The following ARB2A variants were observed in gnomAD, a reference collection of about 807,000 sequenced individuals.
ARB2A encodes ARB2 cotranscriptional regulator A, also known as cotranscriptional regulator ARB2A.
At chr5:93,867,568 C>A in the ARB2A span, among the ~76,000 whole-genome samples, 6 of 151,978 alleles carry the variant, frequency 3.9e-5, no homozygotes, top group Non-Finnish European at 7.4e-5. Context: ...CAGGCGTGTG[C>A]CACCATGCCG....
At chr5:93,897,062 T>C in the ARB2A span, among the ~76,000 whole-genome samples, 2 of 152,012 alleles carry the variant, frequency 1.3e-5, no homozygotes, top group African/African-American at 2.4e-5. Flanking sequence ...TAGGTTGGCA[T>C]ATAAACAGTA....
the ARB2A span, among the ~76,000 whole-genome samples, chr5:93,847,314 G>T: frequency 1 from 152,284 of 152,284 alleles, 76,142 homozygotes; most frequent in Non-Finnish European, 1. Flanking sequence ...ACTGAAAAAC[G>T]TAATATATTT....
At chr5:93,837,480 A>T in the ARB2A span, among the ~76,000 whole-genome samples, 1 of 152,116 alleles carries the variant, frequency 6.6e-6, no homozygotes, top group African/African-American at 2.4e-5. Flanking sequence ...ATATACCCAA[A>T]GGAATATAAT....
the ARB2A span, among the ~76,000 whole-genome samples, chr5:93,997,818 G>A: frequency 7.9e-5 from 12 of 151,884 alleles, no homozygotes; most frequent in African/African-American, 2.9e-4. Flanking sequence ...TGTTTGTTAA[G>A]GCATTCCATT....
chr5:94,046,433 G>T, the ARB2A span, among the ~76,000 whole-genome samples: 21 of 151,954 alleles, frequency 1.4e-4, no homozygotes, highest in Admixed American at 1.2e-3. Flanking sequence ...CTGGGACAGG[G>T]AGGAGGGGGA....
chr5:93,918,102 T>C, the ARB2A span, among the ~76,000 whole-genome samples: 1 of 152,298 alleles, frequency 6.6e-6, no homozygotes, highest in Admixed American at 6.5e-5. Flanking sequence ...TCTTTATTCC[T>C]AAGTTTATAT....
the ARB2A span, among the ~76,000 whole-genome samples, chr5:93,639,552 T>C: frequency 3.3e-3 from 509 of 152,206 alleles, 3 homozygotes; most frequent in African/African-American, 0.012. Flanking sequence ...CTTCCATTAA[T>C]AGAAAAATGC....
chr5:94,087,772 TAC>T, the ARB2A span, among the ~76,000 whole-genome samples: 3 of 152,216 alleles, frequency 2.0e-5, no homozygotes, highest in Non-Finnish European at 4.4e-5. Context: ...TATGTTTATA[TAC>T]GTTTAAATAA....
the ARB2A span, among the ~76,000 whole-genome samples, chr5:93,826,568 T>G: frequency 2.0e-5 from 3 of 152,010 alleles, no homozygotes; most frequent in Non-Finnish European, 4.4e-5. Flanking sequence ...AATCTGAGAG[T>G]CAACTTTTTT....
the ARB2A span, among the ~76,000 whole-genome samples, chr5:94,099,420 C>G: frequency 4.9e-4 from 75 of 151,640 alleles, no homozygotes; most frequent in Non-Finnish European, 9.6e-4. Context: ...GTCAGGAGAT[C>G]GAGACCATCT....
At chr5:94,068,528 G>A in the ARB2A span, among the ~76,000 whole-genome samples, 5 of 152,296 alleles carry the variant, frequency 3.3e-5, no homozygotes, top group Admixed American at 2.6e-4. Context: ...ACCCAAAGGG[G>A]GTTGCCACTG....
the ARB2A span, among the ~76,000 whole-genome samples, chr5:93,857,266 T>C: frequency 1.3e-5 from 2 of 152,256 alleles, no homozygotes; most frequent in South Asian, 4.1e-4. Context: ...AGTCTGCCCA[T>C]TCTCAGATCT....
At chr5:93,859,048 T>C in the ARB2A span, among the ~76,000 whole-genome samples, 3 of 152,062 alleles carry the variant, frequency 2.0e-5, no homozygotes, top group Admixed American at 2.0e-4. Context: ...CTGGCACATG[T>C]AGATAGACAT....
At chr5:93,990,505 C>G in the ARB2A span, among the ~76,000 whole-genome samples, 30 of 150,520 alleles carry the variant, frequency 2.0e-4, no homozygotes, top group Non-Finnish European at 1.6e-4. Context: ...CTGGGAACTA[C>G]TATTGTAAGA....
the ARB2A span, among the ~76,000 whole-genome samples, chr5:94,106,812 T>C: frequency 7.8e-6 from 1 of 128,966 alleles, no homozygotes; most frequent in African/African-American, 3.0e-5. Context: ...AAGAATAAAA[T>C]CATGTCCTTT....
the ARB2A span, among the ~76,000 whole-genome samples, chr5:94,020,716 T>C: frequency 1.3e-5 from 2 of 152,162 alleles, no homozygotes; most frequent in African/African-American, 2.4e-5. Context: ...CATATTTAAA[T>C]AGAGGCCTGA....
At chr5:93,850,594 AG>A in the ARB2A span, among the ~76,000 whole-genome samples, 49 of 152,268 alleles carry the variant, frequency 3.2e-4, no homozygotes, top group African/African-American at 1.1e-3. Flanking sequence ...TGAGCAGTGA[AG>A]TTTTTTTATT....
chr5:94,033,746 T>C, the ARB2A span, among the ~76,000 whole-genome samples: 1 of 152,152 alleles, frequency 6.6e-6, no homozygotes, highest in African/African-American at 2.4e-5. Context: ...ATTTTGCATG[T>C]AAGAAGGACA....
chr5:93,776,524 T>A, the ARB2A span, among the ~76,000 whole-genome samples: 1 of 152,188 alleles, frequency 6.6e-6, no homozygotes, highest in Non-Finnish European at 1.5e-5. Context: ...GCACCTGAAA[T>A]CCCAGCACTT....
Sources: allele counts gnomAD v4.1 joint callset (sites outside exome capture counted in the v4.1 genomes callset), GRCh38; gene constraint gnomAD v4.1.1; transcripts MANE v1.5; gene names NCBI Gene and HGNC (gene_info 2026-07-23, HGNC 2026-07-21).